KRTCAP3: variants seen among roughly 807,000 people sequenced by gnomAD.
The protein encoded by KRTCAP3 is keratinocyte associated protein 3, also known as keratinocyte-associated protein 3.
A neutral mutation model predicts 20.5 loss-of-function variants in KRTCAP3; 18 were observed. The observed-to-expected ratio is 0.88, with a 90% confidence interval of 0.61 to 1.31. KRTCAP3 has a LOEUF of 1.31. KRTCAP3 is among the 50% of genes most tolerant of loss of function. KRTCAP3 has a pLI of 0.00. For synonymous variants in KRTCAP3, 167 were observed against 133.7 expected (o/e 1.25, Z -1.72); for missense variants, 347 against 310.4 (o/e 1.12, Z -0.89).
At position 27,442,896 on chromosome 2, in the gene KRTCAP3, C is replaced by T; in HGVS notation, c.268C>T (p.Pro90Ser). The T allele has an allele frequency of 6.2e-7, 1 of 1,613,272 alleles. No homozygotes were observed. Among genetic ancestry groups the T allele is most frequent in the Non-Finnish European group, 8.5e-7 (1 of 1,180,000 alleles). The change falls in exon 3 of 7, where the codon CCA becomes TCA. Residue 90 changes from proline to serine, a missense_variant. Pro to Ser is a moderately conservative substitution (Grantham distance 74). Coordinates refer to ENST00000288873, the MANE Select transcript of KRTCAP3 (RefSeq NM_173853.4). ...GGCGTCCAGGAACCTTCTTCGCCCT[C>T]CACTGGTGAGAGGGACTTCCCTGGA... ...LLASRNLLRPPLHWVLLALAL... is the reference protein window; with the variant it reads ...LLASRNLLRPSLHWVLLALAL...
downstream of KRTCAP3, chr2:27,445,153 G>C (rs1664941456): frequency 4.3e-6 from 7 of 1,609,658 alleles, no homozygotes; most frequent in Non-Finnish European, 5.9e-6. The surrounding 1 kb of genome is among the most constrained non-coding windows in gnomAD (Gnocchi z 4.4). Flanking sequence ...AGAGATTGAG[G>C]AGGGAAAAAT....
In KRTCAP3 at chr2:27,443,119, G is replaced by A. The variant is rs1370207523; in HGVS notation, c.319G>A (p.Val107Ile). 5 of 1,613,862 alleles carry A rather than the reference G, an allele frequency of 3.1e-6. No individual in the cohort carries two copies. The highest frequency in any genetic ancestry group is 2.2e-5 in the East Asian group (1 of 44,880). ...AGCTCTGGTGAACCTGCTCTTGTCCGTTGCCTGCTCCCTGGGCCTCCTTCT... is the reference window on the plus strand; with the variant it reads ...AGCTCTGGTGAACCTGCTCTTGTCCATTGCCTGCTCCCTGGGCCTCCTTCT... ...ALALVNLLLS[V>I]ACSLGLLLAV... The change falls in exon 4 of 7, where the codon GTT becomes ATT. Residue 107 changes from valine (V) to isoleucine (I), a missense_variant. Physicochemically the swap from Val to Ile is conservative, Grantham distance 29. Coordinates refer to ENST00000288873, the MANE Select transcript of KRTCAP3 (RefSeq NM_173853.4).
downstream of KRTCAP3, chr2:27,445,331 C>T (rs972056548): frequency 4.3e-6 from 7 of 1,613,184 alleles, no homozygotes; most frequent in Admixed American, 1.0e-4. The surrounding 1 kb of genome is among the most constrained non-coding windows in gnomAD (Gnocchi z 4.4). Flanking sequence ...AACACCAGTG[C>T]TCGCTGCCAC....
At chr2:27,444,632 T>C, downstream of KRTCAP3, 2 of 804,810 alleles carry the variant, frequency 2.5e-6, no homozygotes, top group South Asian at 3.0e-5. Context: ...CCCACCCATC[T>C]TTCTAGTGTG....
intron 6 of KRTCAP3, 25 bp downstream of exon 6, chr2:27,444,086 C>T: frequency 1.5e-6 from 2 of 1,364,876 alleles, no homozygotes; most frequent in Non-Finnish European, 2.1e-6. Flanking sequence ...AGGTGGTGGC[C>T]CGGGTAAGAG....
Position 27,442,851 on chromosome 2 carries a change from G to T in KRTCAP3, c.223G>T (p.Val75Leu). Residue 75 changes from valine (V) to leucine (L), a missense_variant, in exon 3 of 7, where the codon GTG (valine) becomes TTG (leucine). Transcript: ENST00000288873. ...SVGSGLLSVSVGLVALLASRN... is the reference protein window; with the variant it reads ...SVGSGLLSVSLGLVALLASRN... The stretch of plus-strand genomic sequence containing the variant: ...TTTGTGTCTTCCACAGAGCGTTTCC[G>T]TGGGACTTGTGGCCCTCCTGGCGTC... 6.2e-7 allele frequency: 1 copy of T among 1,612,056 alleles called. No homozygotes were observed. The highest frequency in any genetic ancestry group is 1.1e-5 in the South Asian group (1 of 91,092).
rs1558344761 is a variant in KRTCAP3, at chr2:27,443,272, A to G, written c.472A>G (p.Arg158Gly). The change falls in exon 4 of 7, where the codon AGA becomes GGA. Residue 158 changes from arginine (R) to glycine (G), a missense_variant. By Grantham distance (125) the Arg-to-Gly change is moderately radical (BLOSUM62 -2). Coordinates refer to ENST00000288873, the MANE Select transcript of KRTCAP3 (RefSeq NM_173853.4). ...TACTGACTGCCCCTTTGACCCCACA[A>G]GAATCTATGTGAGCACATTCTCTTC... The part of the protein sequence containing the change: ...GHTDCPFDPT[R>G]IYDTALALWI... The G allele has an allele frequency of 1.9e-6, 3 of 1,614,018 alleles. No individual in the cohort carries two copies. The highest frequency in any genetic ancestry group is 2.2e-5 in the East Asian group (1 of 44,888).
chr2:27,446,083 G>A (rs1452462129), downstream of KRTCAP3: 8 of 1,485,568 alleles, frequency 5.4e-6, no homozygotes, highest in East Asian at 2.3e-5. Context: ...AGCAAGCTGG[G>A]CTTGAATGCT....
Position 27,442,403 on chromosome 2 carries a change from G to C in KRTCAP3, c.-10G>C, listed in dbSNP as rs764633704. The C allele has an allele frequency of 1.3e-6, 2 of 1,552,398 alleles. No individual in the cohort carries two copies. Among genetic ancestry groups the C allele is most frequent in the Non-Finnish European group, 1.7e-6 (2 of 1,149,718 alleles). On this transcript the variant is annotated 5_prime_UTR_variant, in exon 1 of 7. Transcript: ENST00000288873. Reference sequence around the variant, plus strand: ...GGTACAGCGGCCCTGCGGCTGGCGCGGCGGACGGGATGAGGCGCTGCAGTC... The same window carrying C: ...GGTACAGCGGCCCTGCGGCTGGCGCCGCGGACGGGATGAGGCGCTGCAGTC...
At chr2:27,445,161 A>C, downstream of KRTCAP3, 1 of 1,607,440 alleles carries the variant, frequency 6.2e-7, no homozygotes. This position sits in a 1 kb window ranked among gnomAD's most constrained non-coding sequence, Gnocchi z 4.4. Flanking sequence ...AGGAGGGAAA[A>C]ATGAGGAGCA....
chr2:27,445,139 TGA>T (rs746293961), downstream of KRTCAP3: 1 of 1,612,144 alleles, frequency 6.2e-7, no homozygotes, highest in African/African-American at 1.3e-5. This position sits in a 1 kb window ranked among gnomAD's most constrained non-coding sequence, Gnocchi z 4.4. Context: ...AACTGGGGTT[TGA>T]GAGAGATTGA....
In KRTCAP3 at chr2:27,443,069, G is replaced by GC. The variant is rs747742418; in HGVS notation, c.274-3dup. 6.2e-7 allele frequency: 1 copy of GC among 1,612,934 alleles called. No individual in the cohort carries two copies. The highest frequency in any genetic ancestry group is 1.1e-5 in the South Asian group (1 of 91,068). On this transcript the variant is annotated splice_polypyrimidine_tract_variant and splice_region_variant and intron_variant, in intron 3 of 6. Transcript: ENST00000288873. The stretch of plus-strand genomic sequence containing the variant: ...CTGCTCACCCTGATCTCCTGTCCCT[G>GC]CCAGCACTGGGTCCTGCTGGCACTA...
Position 27,442,762 on chromosome 2 carries a change from T to TG in KRTCAP3, c.213+1dup. The TG allele has an allele frequency of 3.7e-6, 6 of 1,609,508 alleles. No homozygotes were observed. The highest frequency in any genetic ancestry group is 4.2e-6 in the Non-Finnish European group (5 of 1,178,442). ...GTCATCTCTGTCGGCTCGGGGCTGC[T>TG]GGTGAGCGCGGCAGGCGACCCGGGC... On this transcript the variant is annotated frameshift_variant and splice_region_variant, in exon 2 of 7. Transcript: ENST00000288873. LOFTEE classifies it high-confidence loss of function.
downstream of KRTCAP3, chr2:27,445,955 G>A: frequency 6.2e-7 from 1 of 1,614,222 alleles, no homozygotes. The surrounding 1 kb of genome is among the most constrained non-coding windows in gnomAD (Gnocchi z 4.4). Flanking sequence ...AAGCGATTGA[G>A]GAAGATGAAT....
At chr2:27,442,503 G>T (rs1002563888) in intron 1 of KRTCAP3, 63 bp downstream of exon 1, 2 of 1,539,556 alleles carry the variant, frequency 1.3e-6, no homozygotes, top group Admixed American at 2.0e-5. Context: ...CCGTCCTACT[G>T]CCCGCGGTTA....
rs370356452 is a variant in KRTCAP3, at chr2:27,442,706, C to T, written c.156C>T (p.Gly52=). ...TVLRHVANPR[G]AVTPEYTVAN... Reference sequence around the variant, plus strand: ...TGCGGCACGTGGCCAATCCCCGCGGCGCTGTCACGCCGGAGTACACCGTAG... The same window carrying T: ...TGCGGCACGTGGCCAATCCCCGCGGTGCTGTCACGCCGGAGTACACCGTAG... The change falls in exon 2 of 7, where the codon GGC becomes GGT. Residue 52 remains glycine (G), a synonymous_variant. Coordinates refer to ENST00000288873, the MANE Select transcript of KRTCAP3 (RefSeq NM_173853.4). 6.3e-6 allele frequency: 10 copies of T among 1,593,574 alleles called. No individual in the cohort carries two copies. In the African/African-American group the frequency reaches 1.1e-4, roughly 17 times the overall value.
In KRTCAP3 at chr2:27,442,623, C is replaced by T; in HGVS notation, c.73C>T (p.Leu25=). Residue 25 remains leucine, a synonymous_variant, in exon 2 of 7, where the codon CTG becomes TTG. Coordinates refer to ENST00000288873, the MANE Select transcript of KRTCAP3 (RefSeq NM_173853.4). The part of the protein sequence containing the change: ...PRRLMRVGLA[L]ILVGHVNLLL... ...GCGGCTGATGCGTGTGGGCCTCGCGCTGATCTTGGTGGGCCACGTGAACCT... is the reference window on the plus strand; with the variant it reads ...GCGGCTGATGCGTGTGGGCCTCGCGTTGATCTTGGTGGGCCACGTGAACCT... 6.4e-7 allele frequency: 1 copy of T among 1,570,662 alleles called. No individual in the cohort carries two copies. The highest frequency in any genetic ancestry group is 8.6e-7 in the Non-Finnish European group (1 of 1,159,100).
At chr2:27,445,089 C>T (rs1429782897), downstream of KRTCAP3, 1 of 1,611,562 alleles carries the variant, frequency 6.2e-7, no homozygotes, top group Non-Finnish European at 8.5e-7. This position sits in a 1 kb window ranked among gnomAD's most constrained non-coding sequence, Gnocchi z 4.4. Context: ...CAATTTTGTT[C>T]CTCAGAATGG....
chr2:27,445,568 A>G, downstream of KRTCAP3: 1 of 1,333,354 alleles, frequency 7.5e-7, no homozygotes, highest in Non-Finnish European at 1.0e-6. The surrounding 1 kb of genome is among the most constrained non-coding windows in gnomAD (Gnocchi z 4.4). Flanking sequence ...TTTAGCCACG[A>G]ATCCTCCTTG....
Sources: gnomAD v4.1 joint callset for allele counts on GRCh38, gnomAD v4.1.1 for gene constraint, Gnocchi (gnomAD v3.1) non-coding constraint, MANE v1.5 for transcripts, NCBI Gene and HGNC (gene_info 2026-07-23, HGNC 2026-07-21) for gene names.